SRPK1: variants seen among roughly 807,000 people sequenced by gnomAD.
SRPK1 encodes the protein SFRS protein kinase 1.
A neutral mutation model predicts 89.5 loss-of-function variants in SRPK1; 52 were observed. The ratio of observed to expected loss-of-function variants is 0.58; its 90% CI spans 0.46 to 0.73. The LOEUF (loss-of-function observed/expected upper bound fraction) is 0.73, where lower values mean the gene tolerates loss of function less well. Among genes scored for constraint, SRPK1 ranks in the 30% least tolerant of loss-of-function variants. The pLI is 0.00. For synonymous variants in SRPK1, 255 were observed against 270.2 expected, an observed-to-expected ratio of 0.94 and a Z score of 0.55; for missense variants, 603 against 780.6, an observed-to-expected ratio of 0.77 and a Z score of 2.71.
In SRPK1 at chr6:35,888,122, A is replaced by C; in HGVS notation, c.303-11T>G. 6.3e-7 allele frequency: 1 copy of C among 1,595,070 alleles called. No homozygotes were observed. On this transcript the variant is annotated splice_polypyrimidine_tract_variant and intron_variant, in intron 4 of 15. Transcript: ENST00000373825. ...ACAAATTTCTTCCCCCTAAGAAACA[A>C]ACACAGGCAATTAAGACTACATAGC...
intron 2 of SRPK1, among the ~76,000 whole-genome samples, chr6:35,907,746 G>A (rs1770881266): frequency 6.6e-6 from 1 of 152,012 alleles, no homozygotes; most frequent in African/African-American, 2.4e-5. Flanking sequence ...GTAAGATGGA[G>A]TGAACACATG....
chr6:35,920,188 T>C, intron 2 of SRPK1: 1 of 561,778 alleles, frequency 1.8e-6, no homozygotes, highest in South Asian at 1.5e-5. Context: ...AGTTTGTGCC[T>C]CCTCTGTGGA....
At chr6:35,895,488 C>T (rs1770611104) in intron 2 of SRPK1, among the ~76,000 whole-genome samples, 5 of 151,202 alleles carry the variant, frequency 3.3e-5, no homozygotes, top group East Asian at 3.9e-4. Context: ...GTTCCTGGCT[C>T]GTAACTCCCA....
At chr6:35,869,377 C>A in intron 11 of SRPK1, 105 bp downstream of exon 11, 1 of 1,352,180 alleles carries the variant, frequency 7.4e-7, no homozygotes, top group East Asian at 2.3e-5. Context: ...TTAGACACAC[C>A]TGTTGTAAAG....
At chr6:35,882,161 T>TAGTAGTAGTAGC (rs1480474645) in intron 6 of SRPK1, among the ~76,000 whole-genome samples, 32 of 118,442 alleles carry the variant, frequency 2.7e-4, no homozygotes, top group African/African-American at 5.1e-4. Context: ...GTAGTAGTAG[T>TAGTAGTAGTAGC]AGCAGCAGCA....
At chr6:35,858,966 A>T in intron 12 of SRPK1, among the ~76,000 whole-genome samples, 1 of 152,230 alleles carries the variant, frequency 6.6e-6, no homozygotes, top group East Asian at 1.9e-4. Flanking sequence ...ATTAAAGTGT[A>T]TTTACAACAC....
rs977821100 is a variant in SRPK1 at position 35,834,667 on chromosome 6, T to C, written c.*637A>G. On this transcript the variant is annotated 3_prime_UTR_variant, in exon 16 of 16. Coordinates refer to ENST00000373825, the MANE Select transcript of SRPK1 (RefSeq NM_003137.5). ...AAAAATCAGACTGAAGATTCAAAGA[T>C]CTTAACTATTAAAGGATGAAAGGAA... 2 of 152,170 alleles carry C rather than the reference T, an allele frequency of 1.3e-5. No homozygotes were observed. The highest frequency in any genetic ancestry group is 2.4e-5 in the African/African-American group (1 of 41,434). The allele number at this position is 152,170 out of a possible 1,614,324, so 9.4% of individuals were successfully genotyped here.
At chr6:35,920,688 C>CG (rs1771216409) in intron 1 of SRPK1, 160 bp from the exon 2 acceptor site, 1 of 286,476 alleles carries the variant, frequency 3.5e-6, no homozygotes, top group Non-Finnish European at 5.2e-6. Flanking sequence ...TGGCGGCCCA[C>CG]GGGGCGCAGA....
chr6:35,883,903 T>C (rs1444444480), intron 6 of SRPK1, among the ~76,000 whole-genome samples: 1 of 151,994 alleles, frequency 6.6e-6, no homozygotes. Flanking sequence ...CCCAGCTTTT[T>C]TTTGTATTTT....
intron 11 of SRPK1, 115 bp from the exon 12 acceptor site, chr6:35,869,225 T>C: frequency 1.0e-6 from 1 of 975,470 alleles, no homozygotes; most frequent in Non-Finnish European, 1.5e-6. Context: ...AGTGACAACT[T>C]ACATTTTCTG....
intron 6 of SRPK1, among the ~76,000 whole-genome samples, chr6:35,882,158 TAGTAGC>T (rs1158219679): frequency 8.6e-5 from 10 of 116,206 alleles, no homozygotes; most frequent in African/African-American, 6.7e-5. Context: ...GTAGTAGTAG[TAGTAGC>T]AGCAGCAGCA....
rs1769110491 is a variant in SRPK1, at chr6:35,833,660, G to A, written c.*1644C>T. 1 of 152,628 alleles carries A rather than the reference G, an allele frequency of 6.6e-6. No homozygotes were observed. The highest frequency in any genetic ancestry group is 2.4e-5 in the African/African-American group (1 of 41,436). 9.5% of individuals were successfully genotyped at this position (152,628 alleles called of 1,614,324 possible). A position where few individuals can be genotyped will look rare whatever the true frequency, so the allele number is the denominator to read the frequency against. ...CAATGAAGGATCCGATGAATGGCTG[G>A]CCAGTTACTCAGAGTAATATGTTTA... On this transcript the variant is annotated 3_prime_UTR_variant, in exon 16 of 16. Coordinates refer to ENST00000373825, the MANE Select transcript of SRPK1 (RefSeq NM_003137.5).
At chr6:35,875,369 C>A (rs1770133925) in intron 6 of SRPK1, among the ~76,000 whole-genome samples, 1 of 151,774 alleles carries the variant, frequency 6.6e-6, no homozygotes, top group African/African-American at 2.4e-5. Context: ...GTGTGTACCA[C>A]CACGCTGGGC....
At chr6:35,873,445 A>C (rs1251554324) in intron 7 of SRPK1, among the ~76,000 whole-genome samples, 1 of 152,232 alleles carries the variant, frequency 6.6e-6, no homozygotes, top group Non-Finnish European at 1.5e-5. Flanking sequence ...GAGAATAAGC[A>C]CAATAAATTC....
At chr6:35,895,464 TGTG>T (rs1770610767) in intron 2 of SRPK1, among the ~76,000 whole-genome samples, 1 of 151,862 alleles carries the variant, frequency 6.6e-6, no homozygotes, top group Non-Finnish European at 1.5e-5. Context: ...TGTGTGTGTG[TGTG>T]TTCATCCACA....
intron 14 of SRPK1, among the ~76,000 whole-genome samples, chr6:35,842,156 G>A (rs747147691): frequency 5.9e-5 from 9 of 152,286 alleles, no homozygotes; most frequent in Non-Finnish European, 1.2e-4. Context: ...AGTAGTGTGT[G>A]TATATTAAAA....
intron 2 of SRPK1, among the ~76,000 whole-genome samples, chr6:35,917,085 A>AC (rs200791672): frequency 4.0e-5 from 6 of 151,818 alleles, no homozygotes; most frequent in Non-Finnish European, 1.5e-5. Context: ...ACAAAACAAA[A>AC]ACAGACACAC....
chr6:35,883,250 G>T (rs997395536), intron 6 of SRPK1, among the ~76,000 whole-genome samples: 2 of 152,122 alleles, frequency 1.3e-5, no homozygotes, highest in Admixed American at 6.5e-5. Flanking sequence ...CTAGCTGGGC[G>T]TGGTGGTGTG....
chr6:35,864,034 A>G (rs912846111), intron 12 of SRPK1, among the ~76,000 whole-genome samples: 7 of 152,342 alleles, frequency 4.6e-5, no homozygotes, highest in Admixed American at 3.3e-4. Context: ...ATACATAAAA[A>G]TCAAATCAAA....
Sources: gnomAD v4.1 joint callset for allele counts (sites outside exome capture counted in the v4.1 genomes callset) on GRCh38, gnomAD v4.1.1 for gene constraint, MANE v1.5 for transcripts, NCBI Gene and HGNC (gene_info 2026-07-23, HGNC 2026-07-21) for gene names.